Variants in CTNNA2 observed in about 807,000 individuals in gnomAD.
CTNNA2 encodes the protein catenin alpha-2.
Under a neutral mutation model 101.0 loss-of-function variants are expected in CTNNA2, and 42 were observed. The observed-to-expected ratio is 0.42, with a 90% CI of 0.32 to 0.54. The LOEUF (loss-of-function observed/expected upper bound fraction) is 0.54. CTNNA2 is among the 20% of genes least tolerant of loss of function. CTNNA2 has a pLI of 0.14. For synonymous variants in CTNNA2, 450 were observed against 456.4 expected, an observed-to-expected ratio of 0.99 and a Z score of 0.18; for missense variants, 871 against 1,223.1, an observed-to-expected ratio of 0.71 and a Z score of 4.29.
At chr2:79,553,855 A>G (rs1674273372) in intron 1 of CTNNA2, among the ~76,000 whole-genome samples, 2 of 152,142 alleles carry the variant, frequency 1.3e-5, no homozygotes, top group South Asian at 4.1e-4. Context: ...GCTCACAAAG[A>G]ATTTTCTTGT....
chr2:80,210,692 A>AT (rs1296506336), intron 7 of CTNNA2, among the ~76,000 whole-genome samples: 1 of 152,162 alleles, frequency 6.6e-6, no homozygotes, highest in Non-Finnish European at 1.5e-5. Context: ...CTGTGTCTTT[A>AT]TAGCAGCATG....
chr2:80,545,184 T>C, intron 10 of CTNNA2, 110 bp downstream of exon 10: 1 of 976,196 alleles, frequency 1.0e-6, no homozygotes, highest in South Asian at 1.6e-5. Context: ...AGGCTACTCA[T>C]CATTTATGAG....
At chr2:80,075,827 T>TTATAAAAATAATATTTATA (rs1235426509) in intron 7 of CTNNA2, among the ~76,000 whole-genome samples, 4 of 145,714 alleles carry the variant, frequency 2.7e-5, no homozygotes, top group African/African-American at 1.0e-4. Flanking sequence ...ATTTATAAAT[T>TTATAAAAATAATATTTATA]AATTATTTTT....
At chr2:79,714,018 G>A (rs186711495) in intron 2 of CTNNA2, among the ~76,000 whole-genome samples, 1 of 152,164 alleles carries the variant, frequency 6.6e-6, no homozygotes, top group South Asian at 2.1e-4. Context: ...TGGGCTTTAC[G>A]AAGTAGAGCA....
chr2:80,349,389 A>G (rs961162396), intron 7 of CTNNA2, among the ~76,000 whole-genome samples: 1 of 152,106 alleles, frequency 6.6e-6, no homozygotes, highest in African/African-American at 2.4e-5. Flanking sequence ...TGTATTGGGG[A>G]TGGGTATATT....
intron 2 of CTNNA2, among the ~76,000 whole-genome samples, chr2:79,300,679 T>G (rs924295816): frequency 6.6e-6 from 1 of 152,180 alleles, no homozygotes; most frequent in Non-Finnish European, 1.5e-5. Context: ...TTATATTTCT[T>G]AAAAAATTCT....
intron 4 of CTNNA2, among the ~76,000 whole-genome samples, chr2:79,466,230 T>C (rs535449212): frequency 6.6e-6 from 1 of 152,350 alleles, no homozygotes; most frequent in South Asian, 2.1e-4. Context: ...CAGGAGATTA[T>C]ATCCTGCACC....
At chr2:80,389,197 C>A (rs778820898) in intron 7 of CTNNA2, among the ~76,000 whole-genome samples, 1 of 150,850 alleles carries the variant, frequency 6.6e-6, no homozygotes, top group Non-Finnish European at 1.5e-5. Context: ...TTCCTAATTA[C>A]CCTGAATAGT....
rs553446915 is a variant in CTNNA2, at chr2:79,809,772, G to A, written c.299-48241G>A. Reference sequence around the variant, plus strand: ...TGATGATAGTTTCTTTTGCTATGCAGAAGCTCTTTAGTTTAATTAGATCCC... The same window carrying A: ...TGATGATAGTTTCTTTTGCTATGCAAAAGCTCTTTAGTTTAATTAGATCCC... On this transcript the variant is annotated intron_variant, in intron 3 of 18. Coordinates refer to ENST00000402739, the MANE Select transcript of CTNNA2 (RefSeq NM_001282597.3). Among the ~76,000 whole-genome samples the A allele has an allele frequency of 1.8e-4, 27 of 152,284 alleles. No individual in the cohort carries two copies. In the East Asian group the frequency reaches 4.8e-3, roughly 27 times the overall value.
At chr2:79,777,224 C>A (rs554691842) in intron 3 of CTNNA2, 2 of 152,102 alleles carry the variant, frequency 1.3e-5, no homozygotes, top group South Asian at 4.1e-4. Flanking sequence ...GGGCCCCTAC[C>A]TGGAAAATTT....
At chr2:79,342,356 T>C (rs1444832328) in intron 3 of CTNNA2, among the ~76,000 whole-genome samples, 4 of 152,180 alleles carry the variant, frequency 2.6e-5, no homozygotes, top group African/African-American at 9.7e-5. Flanking sequence ...TGAAGCAAAA[T>C]CTGGACTGAG....
intron 7 of CTNNA2, among the ~76,000 whole-genome samples, chr2:80,367,229 T>C (rs1395375012): frequency 6.6e-6 from 1 of 152,162 alleles, no homozygotes; most frequent in Non-Finnish European, 1.5e-5. Flanking sequence ...ATTATCACAC[T>C]GTTTTTCCCT....
intron 3 of CTNNA2, among the ~76,000 whole-genome samples, chr2:79,844,994 A>ACACACC (rs1362378197): frequency 1.3e-5 from 2 of 151,600 alleles, no homozygotes; most frequent in African/African-American, 4.9e-5. Flanking sequence ...ACACACACAC[A>ACACACC]CACACACATA....
chr2:79,414,071 A>C (rs1367448132), intron 4 of CTNNA2, among the ~76,000 whole-genome samples: 1 of 151,570 alleles, frequency 6.6e-6, no homozygotes, highest in African/African-American at 2.4e-5. Context: ...ATTGACAACC[A>C]GCATAACTAA....
At chr2:80,411,072 A>C (rs769689380) in intron 8 of CTNNA2, among the ~76,000 whole-genome samples, 72 of 152,350 alleles carry the variant, frequency 4.7e-4, no homozygotes, top group Non-Finnish European at 1.6e-4. Context: ...AAAGCGTGGA[A>C]AATGGATACC....
intron 7 of CTNNA2, among the ~76,000 whole-genome samples, chr2:80,067,046 A>G (rs1698033014): frequency 6.6e-6 from 1 of 152,216 alleles, no homozygotes; most frequent in Admixed American, 6.5e-5. Flanking sequence ...TAGAACTCAT[A>G]GAAGCAGAGA....
intron 7 of CTNNA2, among the ~76,000 whole-genome samples, chr2:79,988,020 A>C (rs2103876178): frequency 6.6e-6 from 1 of 152,346 alleles, no homozygotes; most frequent in African/African-American, 2.4e-5. Context: ...GGAGTCCATT[A>C]GTTCATGATT....
intron 7 of CTNNA2, among the ~76,000 whole-genome samples, chr2:80,188,922 C>T (rs57740348): frequency 0.25 from 36,476 of 147,924 alleles, 7,288 homozygotes; most frequent in African/African-American, 0.55. Flanking sequence ...TTCCAACCTA[C>T]TGTGTCCTGT....
chr2:79,214,031 A>G (rs1043083905), intron 2 of CTNNA2, among the ~76,000 whole-genome samples: 1 of 152,184 alleles, frequency 6.6e-6, no homozygotes, highest in African/African-American at 2.4e-5. Flanking sequence ...TTCTGACCGC[A>G]CTAACTATGC....
Sources: allele counts gnomAD v4.1 joint callset (sites outside exome capture counted in the v4.1 genomes callset), GRCh38; gene constraint gnomAD v4.1.1; transcripts MANE v1.5; gene names NCBI Gene and HGNC (gene_info 2026-07-23, HGNC 2026-07-21).